ZNF616: variants seen among roughly 807,000 people sequenced by gnomAD.
ZNF616 encodes zinc finger protein 616.
Under a neutral mutation model 7.6 loss-of-function variants are expected in ZNF616, and 5 were observed. The ratio of observed to expected loss-of-function variants is 0.66; its 90% CI spans 0.34 to 1.38. ZNF616 has a LOEUF of 1.38. ZNF616 is among the 40% of genes most tolerant of loss of function. The pLI is 0.04. For synonymous variants in ZNF616, 319 were observed against 317.2 expected, an observed-to-expected ratio of 1.01 and a Z score of -0.06; for missense variants, 913 against 948.3, an observed-to-expected ratio of 0.96 and a Z score of 0.49.
In ZNF616 at chr19:52,116,194, G is replaced by A; in HGVS notation, c.970C>T (p.Pro324Ser). The A allele has an allele frequency of 1.2e-6, 2 of 1,614,088 alleles. No individual in the cohort carries two copies. Among genetic ancestry groups the A allele is most frequent in the Non-Finnish European group, 1.7e-6 (2 of 1,180,016 alleles). Residue 324 changes from proline to serine, a missense_variant, in exon 4 of 4, where the codon CCC (proline) becomes TCC (serine). Pro to Ser is a moderately conservative substitution (Grantham distance 74, BLOSUM62 -1). Coordinates refer to ENST00000600228, the MANE Select transcript of ZNF616 (RefSeq NM_178523.5). ...LHQTVHTGER[P>S]FKCNECGKTF... is the part of the protein sequence containing the mutation. ...TTGCCACACTCATTACATTTGAAGG[G>A]TCTCTCTCCAGTATGAACTGTCTGA...
chr19:52,125,429 C>T (rs1205583595), intron 2 of ZNF616, among the ~76,000 whole-genome samples: 1 of 152,240 alleles, frequency 6.6e-6, no homozygotes, highest in Non-Finnish European at 1.5e-5. Context: ...TAGCCACTCC[C>T]ATGTTAAGTC....
rs1394069425 is a variant in ZNF616, at chr19:52,115,511, G to A, written c.1653C>T (p.Cys551=). ...RIHTGEKPYK[C]KECGKVFSQC... ...GACTGAAGACCTTGCCACATTCTTT[G>A]CATTTGTAAGGCTTCTCTCCAGTAT... Residue 551 remains cysteine, a synonymous_variant, in exon 4 of 4, where the codon TGC becomes TGT. Coordinates refer to ENST00000600228, the MANE Select transcript of ZNF616 (RefSeq NM_178523.5). 1 of 1,613,906 alleles carries A rather than the reference G, an allele frequency of 6.2e-7. No homozygotes were observed. The highest frequency in any genetic ancestry group is 8.5e-7 in the Non-Finnish European group (1 of 1,179,986).
At chr19:52,119,908 G>A (rs1321076284) in intron 3 of ZNF616, among the ~76,000 whole-genome samples, 1 of 151,908 alleles carries the variant, frequency 6.6e-6, no homozygotes, top group African/African-American at 2.4e-5. Context: ...AGAGATATGC[G>A]AAAAAATGTT....
intron 1 of ZNF616, among the ~76,000 whole-genome samples, chr19:52,131,141 C>A (rs2088956579): frequency 6.6e-6 from 1 of 151,744 alleles, no homozygotes; most frequent in African/African-American, 2.4e-5. Context: ...GGTGGCACAC[C>A]CCTTAAATCC....
rs2089037360 is a variant in ZNF616 at position 52,139,135 on chromosome 19, C to A, written c.-77+597G>T. Among the ~76,000 whole-genome samples the A allele has an allele frequency of 6.6e-6, 1 of 152,236 alleles. No homozygotes were observed. The highest frequency in any genetic ancestry group is 2.4e-5 in the African/African-American group (1 of 41,534). On this transcript the variant is annotated intron_variant, in intron 1 of 3. Transcript: ENST00000600228. This position sits in a 1 kb window ranked among gnomAD's most constrained non-coding sequence, Gnocchi z 4.1. ...TTTTCTCCCCAGTTTTTCTTTCTGT[C>A]CCGTCGCTCCCCCTCTTTTCCTCTC...
chr19:52,113,118 G>C lies in ZNF616; in HGVS notation c.*1700C>G, dbSNP rs2088785961. 6.6e-6 allele frequency: 1 copy of C among 152,124 alleles called. No individual in the cohort carries two copies. Among genetic ancestry groups the C allele is most frequent in the South Asian group, 2.1e-4 (1 of 4,826 alleles). The allele number at this position is 152,124 out of a possible 1,614,324, so 9.4% of individuals were successfully genotyped here. On this transcript the variant is annotated 3_prime_UTR_variant, in exon 4 of 4. Transcript: ENST00000600228. ...TAATGTAATATTTTATAAACTGAAT[G>C]AGCCATTTTCACACATGCACTTGCT...
At chr19:52,132,950 C>T (rs1039476598) in intron 1 of ZNF616, among the ~76,000 whole-genome samples, 8 of 151,996 alleles carry the variant, frequency 5.3e-5, no homozygotes, top group Non-Finnish European at 7.3e-5. Flanking sequence ...ATTCGAAGTC[C>T]GGACACAGCA....
chr19:52,123,160 G>C (rs1437523194), intron 3 of ZNF616, among the ~76,000 whole-genome samples: 6 of 151,960 alleles, frequency 3.9e-5, no homozygotes, highest in Non-Finnish European at 8.8e-5. Flanking sequence ...AGAAAACTGA[G>C]TATCCTCAAA....
chr19:52,138,155 C>T (rs1055415783), intron 1 of ZNF616, among the ~76,000 whole-genome samples: 1 of 152,100 alleles, frequency 6.6e-6, no homozygotes, highest in Non-Finnish European at 1.5e-5. Context: ...AGAGAAAAAA[C>T]AAACAAAAAA....
intron 2 of ZNF616, among the ~76,000 whole-genome samples, chr19:52,127,314 C>T (rs1335761887): frequency 6.6e-6 from 1 of 152,172 alleles, no homozygotes; most frequent in Non-Finnish European, 1.5e-5. Flanking sequence ...CTTGGCCTCC[C>T]AAAGTGCCTG....
chr19:52,115,116 T>C lies in ZNF616; in HGVS notation c.2048A>G (p.His683Arg), dbSNP rs1045654588. The change falls in exon 4 of 4, where the codon CAT becomes CGT. Residue 683 changes from histidine (H) to arginine (R), a missense_variant. Physicochemically the swap from His to Arg is conservative, Grantham distance 29. Coordinates refer to ENST00000600228, the MANE Select transcript of ZNF616 (RefSeq NM_178523.5). ...SSNLTAHQII[H>R]AGKKPYKCDE... ...ACATTTATATGGTTTCTTTCCTGCA[T>C]GAATTATCTGATGTGCAGTGAGGTT... 6.2e-7 allele frequency: 1 copy of C among 1,614,180 alleles called. No homozygotes were observed. Among genetic ancestry groups the C allele is most frequent in the Non-Finnish European group, 8.5e-7 (1 of 1,180,018 alleles).
chr19:52,115,007 A>G lies in ZNF616; in HGVS notation c.2157T>C (p.Cys719=). The change falls in exon 4 of 4, where the codon TGT becomes TGC. Residue 719 remains cysteine (C), a synonymous_variant. Coordinates refer to ENST00000600228, the MANE Select transcript of ZNF616 (RefSeq NM_178523.5). The part of the protein sequence containing the change: ...RIHTGEKRYK[C]IECGKAFGRL... The stretch of plus-strand genomic sequence containing the variant: ...GCCCAAAGGCTTTGCCACATTCAAT[A>G]CATTTGTATCTTTTCTCTCCAGTGT... 1 of 1,614,132 alleles carries G rather than the reference A, an allele frequency of 6.2e-7. No individual in the cohort carries two copies. The highest frequency in any genetic ancestry group is 8.5e-7 in the Non-Finnish European group (1 of 1,179,988).
intron 1 of ZNF616, among the ~76,000 whole-genome samples, chr19:52,136,208 C>G (rs1341908469): frequency 5.3e-5 from 8 of 151,088 alleles, no homozygotes; most frequent in Middle Eastern, 6.9e-3. Context: ...ATGCCAGGCA[C>G]GGTGGCTCAC....
In ZNF616 at chr19:52,116,382, C is replaced by G; in HGVS notation, c.782G>C (p.Arg261Thr). The G allele has an allele frequency of 6.2e-7, 1 of 1,614,136 alleles. No homozygotes were observed. The highest frequency in any genetic ancestry group is 8.5e-7 in the Non-Finnish European group (1 of 1,180,022). The change falls in exon 4 of 4, where the codon AGG becomes ACG. Residue 261 changes from arginine to threonine, a missense_variant. Coordinates refer to ENST00000600228, the MANE Select transcript of ZNF616 (RefSeq NM_178523.5). ...GTAGGGTTTCTGTCCAGTGTGACTCCTTTGGTGTCTTACAAAATATGAATT... is the reference window on the plus strand; with the variant it reads ...GTAGGGTTTCTGTCCAGTGTGACTCGTTTGGTGTCTTACAAAATATGAATT... ...RKNSYFVRHQ[R>T]SHTGQKPYIC...
chr19:52,136,129 C>CAA (rs796547921), intron 1 of ZNF616, among the ~76,000 whole-genome samples: 4 of 24,544 alleles, frequency 1.6e-4, no homozygotes, highest in Non-Finnish European at 1.6e-4. Context: ...GACTTTGTCT[C>CAA]AAAAAAAAAA....
At chr19:52,127,970 A>C (rs1267349495) in intron 2 of ZNF616, among the ~76,000 whole-genome samples, 1 of 152,214 alleles carries the variant, frequency 6.6e-6, no homozygotes, top group Non-Finnish European at 1.5e-5. Context: ...CACAGAACTT[A>C]CAACTGTAGC....
At position 52,119,841 on chromosome 19, in the gene ZNF616, A is replaced by T. The variant is rs557170001; in HGVS notation, c.140-2817T>A. Among the ~76,000 whole-genome samples the T allele has an allele frequency of 5.3e-5, 8 of 152,318 alleles. No individual in the cohort carries two copies. In the South Asian group the frequency reaches 8.3e-4, roughly 16 times the overall value. ...ATAATATATGCTATGAATTTTATCA[A>T]ATTGAATGTCCCATGAGTTATATTT... On this transcript the variant is annotated intron_variant, in intron 3 of 3. Transcript: ENST00000600228.
rs939516792 is a variant in ZNF616, at chr19:52,139,454, C to T, written c.-77+278G>A. On this transcript the variant is annotated intron_variant, in intron 1 of 3. Transcript: ENST00000600228. The surrounding 1 kb of genome is among the most constrained non-coding windows in gnomAD (Gnocchi z 4.1). ...AGGGAGGGTCTGCAGAATCCCAGGA[C>T]CTGGGAGAAGAAGCGGCTCCTTCAG... Among the ~76,000 whole-genome samples the T allele has an allele frequency of 1.3e-5, 2 of 152,104 alleles. No individual in the cohort carries two copies. Among genetic ancestry groups the T allele is most frequent in the Non-Finnish European group, 2.9e-5 (2 of 68,010 alleles).
intron 1 of ZNF616, among the ~76,000 whole-genome samples, chr19:52,136,010 A>G (rs185088794): frequency 2.3e-3 from 345 of 151,462 alleles, no homozygotes; most frequent in African/African-American, 8.1e-3. Context: ...CATGCCTGTA[A>G]TCTCAGCTAC....
Sources: allele counts gnomAD v4.1 joint callset (sites outside exome capture counted in the v4.1 genomes callset), GRCh38; gene constraint gnomAD v4.1.1; non-coding constraint Gnocchi (gnomAD v3.1); transcripts MANE v1.5; gene names NCBI Gene and HGNC (gene_info 2026-07-23, HGNC 2026-07-21).